The following ABHD5 variants were observed in gnomAD, a reference collection of about 807,000 sequenced individuals.
ABHD5 encodes the protein 1-acylglycerol-3-phosphate O-acyltransferase ABHD5.
A neutral mutation model predicts 44.9 loss-of-function variants in ABHD5; 30 were observed. The observed-to-expected ratio is 0.67, with a 90% confidence interval of 0.50 to 0.91. ABHD5 has a LOEUF of 0.91. ABHD5 is among the 40% of genes least tolerant of loss of function. The pLI, the probability that ABHD5 is intolerant of heterozygous loss-of-function variation, is 0.00. For missense variants in ABHD5, 399 were observed against 423.4 expected, an observed-to-expected ratio of 0.94 and a Z score of 0.50; for synonymous variants, 167 against 147.0, an observed-to-expected ratio of 1.14 and a Z score of -0.99.
At chr3:43,701,577 G>A (rs748937266) in intron 2 of ABHD5, among the ~76,000 whole-genome samples, 60 of 152,134 alleles carry the variant, frequency 3.9e-4, no homozygotes, top group Non-Finnish European at 7.4e-4. Flanking sequence ...CTATAAAATT[G>A]TGACTATTTG....
Position 43,715,017 on chromosome 3 carries a change from T to C in ABHD5, c.732T>C (p.Thr244=). ...ATTCTTCAATGTTCGAAGACGATAC[T>C]GTGACAGAATACATCTACCACTGTA... ...RKYSSMFEDD[T]VTEYIYHCNV... Residue 244 remains threonine (T), a synonymous_variant, in exon 5 of 7, where the codon ACT becomes ACC. Coordinates refer to ENST00000644371, the MANE Select transcript of ABHD5 (RefSeq NM_016006.6). 2 of 1,613,554 alleles carry C rather than the reference T, an allele frequency of 1.2e-6. No homozygotes were observed. Among genetic ancestry groups the C allele is most frequent in the Non-Finnish European group, 1.7e-6 (2 of 1,179,740 alleles).
chr3:43,703,295 T>C (rs1484339016), intron 3 of ABHD5, among the ~76,000 whole-genome samples: 5 of 151,978 alleles, frequency 3.3e-5, no homozygotes, highest in Admixed American at 1.3e-4. Context: ...TTCTTCTGCC[T>C]CAGCCTTTGA....
chr3:43,698,205 C>T (rs1335884586), intron 1 of ABHD5, among the ~76,000 whole-genome samples: 1 of 152,154 alleles, frequency 6.6e-6, no homozygotes, highest in East Asian at 1.9e-4. Flanking sequence ...CCTGGGAATC[C>T]TTATTATAAC....
downstream of ABHD5, among the ~76,000 whole-genome samples, chr3:43,727,045 G>GC (rs1426929720): frequency 6.6e-6 from 1 of 152,050 alleles, no homozygotes. Flanking sequence ...ATTTTGGGGC[G>GC]CCCTCTCTGG....
In ABHD5 at chr3:43,720,382, G is replaced by A. The variant is rs996053690; in HGVS notation, c.*1850G>A. ...AAGTTCCTTCGTTTACTTAGTGAAT[G>A]GAGTTTCTGGCCGCAGATGTGCCAA... On this transcript the variant is annotated 3_prime_UTR_variant, in exon 7 of 7. Coordinates refer to ENST00000644371, the MANE Select transcript of ABHD5 (RefSeq NM_016006.6). 1.3e-5 allele frequency: 2 copies of A among 152,190 alleles called. No homozygotes were observed. The highest frequency in any genetic ancestry group is 4.8e-5 in the African/African-American group (2 of 41,542). The allele number at this position is 152,190 out of a possible 1,614,324, so 9.4% of individuals were successfully genotyped here.
At position 43,721,328 on chromosome 3, in the gene ABHD5, CTCT is replaced by C. The variant is rs1162803048; in HGVS notation, c.*2798_*2800del. On this transcript the variant is annotated 3_prime_UTR_variant, in exon 7 of 7. Coordinates refer to ENST00000644371, the MANE Select transcript of ABHD5 (RefSeq NM_016006.6). The stretch of plus-strand genomic sequence containing the variant: ...AAGACCCAATTTTTAAAATGAAACC[CTCT>C]TTCTAACTAGAAGAAAACATAGATG... 1 of 152,092 alleles carries C rather than the reference CTCT, an allele frequency of 6.6e-6. No homozygotes were observed. The highest frequency in any genetic ancestry group is 1.5e-5 in the Non-Finnish European group (1 of 68,022). 9.4% of individuals were successfully genotyped at this position (152,092 alleles called of 1,614,324 possible).
At chr3:43,700,934 C>G (rs1163336719) in intron 2 of ABHD5, among the ~76,000 whole-genome samples, 2 of 152,060 alleles carry the variant, frequency 1.3e-5, no homozygotes, top group African/African-American at 2.4e-5. Flanking sequence ...TAAACTTGCT[C>G]TCTACAAAAC....
intron 5 of ABHD5, among the ~76,000 whole-genome samples, chr3:43,716,690 T>G (rs1000407708): frequency 3.3e-5 from 5 of 152,162 alleles, no homozygotes; most frequent in African/African-American, 1.2e-4. Context: ...GTCTACACAC[T>G]TCCAACAGTT....
intron 7 of ABHD5, among the ~76,000 whole-genome samples, chr3:43,727,814 G>A (rs911777887): frequency 1.2e-4 from 18 of 152,134 alleles, no homozygotes; most frequent in African/African-American, 4.3e-4. Context: ...TTGCCATGTT[G>A]ATCAGGCTGG....
rs529144741 is a variant in ABHD5 at position 43,721,113 on chromosome 3, C to G, written c.*2581C>G. ...AGAACAATGTGGAAGGAGGGATAAC[C>G]CTATTAAATATTATAACATAATGTT... is the stretch of plus-strand genomic sequence containing the variant. On this transcript the variant is annotated 3_prime_UTR_variant, in exon 7 of 7. Coordinates refer to ENST00000644371, the MANE Select transcript of ABHD5 (RefSeq NM_016006.6). 1 of 151,984 alleles carries G rather than the reference C, an allele frequency of 6.6e-6. No individual in the cohort carries two copies. Among genetic ancestry groups the G allele is most frequent in the African/African-American group, 2.4e-5 (1 of 41,480 alleles). The allele number at this position is 151,984 out of a possible 1,614,324, so 9.4% of individuals were successfully genotyped here.
chr3:43,717,971 C>A, intron 6 of ABHD5, 114 bp downstream of exon 6: 1 of 1,381,710 alleles, frequency 7.2e-7, no homozygotes, highest in Non-Finnish European at 1.0e-6. Flanking sequence ...GCCATACCTG[C>A]AGCCTCAGTC....
intron 2 of ABHD5, chr3:43,699,821 G>A (rs2084517538): frequency 6.1e-6 from 1 of 164,734 alleles, no homozygotes; most frequent in South Asian, 1.4e-4. Context: ...TTGACATAAG[G>A]TTGCTGCTTC....
intron 3 of ABHD5, among the ~76,000 whole-genome samples, chr3:43,705,860 C>T (rs3774792): frequency 0.85 from 129,566 of 152,154 alleles, 55,205 homozygotes; most frequent in Middle Eastern, 0.91. Context: ...TAATGTTGCT[C>T]ATATTTGTTA....
intron 2 of ABHD5, among the ~76,000 whole-genome samples, chr3:43,700,387 A>C (rs766139301): frequency 2.0e-5 from 3 of 152,134 alleles, no homozygotes; most frequent in Non-Finnish European, 4.4e-5. Context: ...GATTCTACTT[A>C]AAGGAGTGGA....
At chr3:43,700,849 C>T (rs1034277745) in intron 2 of ABHD5, among the ~76,000 whole-genome samples, 1 of 152,158 alleles carries the variant, frequency 6.6e-6, no homozygotes, top group African/African-American at 2.4e-5. Flanking sequence ...GCTGGGATTA[C>T]AGGCATGAGC....
chr3:43,717,966 A>T, intron 6 of ABHD5, 109 bp downstream of exon 6: 1 of 1,424,866 alleles, frequency 7.0e-7, no homozygotes. Context: ...TCTGAGCCAT[A>T]CCTGCAGCCT....
In ABHD5 at chr3:43,718,528, A is replaced by G; in HGVS notation, c.1046A>G (p.Asp349Gly). The stretch of plus-strand genomic sequence containing the variant: ...GTAAAGGAGATCTGCGACACTGTGG[A>G]CTGAACACACTGAAGCTCTGATGGG... ...QKVKEICDTV[D>G] is the part of the protein sequence containing the mutation. Residue 349 changes from aspartate (D) to glycine (G), a missense_variant, in exon 7 of 7, where the codon GAC becomes GGC. Asp to Gly is a moderately conservative substitution (Grantham distance 94). Coordinates refer to ENST00000644371, the MANE Select transcript of ABHD5 (RefSeq NM_016006.6). The G allele has an allele frequency of 6.2e-7, 1 of 1,613,936 alleles. No homozygotes were observed. Among genetic ancestry groups the G allele is most frequent in the Non-Finnish European group, 8.5e-7 (1 of 1,179,810 alleles).
intron 4 of ABHD5, 105 bp from the exon 5 acceptor site, chr3:43,714,842 A>C: frequency 1.4e-6 from 1 of 739,784 alleles, no homozygotes; most frequent in South Asian, 1.4e-5. Flanking sequence ...ATATGTGTGC[A>C]TATAACACTC....
upstream of ABHD5, chr3:43,690,896 G>C: frequency 7.4e-7 from 1 of 1,350,418 alleles, no homozygotes; most frequent in East Asian, 3.0e-5. Context: ...ATGCGCTGGC[G>C]GCCTGCGCCG....
Sources: allele counts gnomAD v4.1 joint callset (sites outside exome capture counted in the v4.1 genomes callset), GRCh38; gene constraint gnomAD v4.1.1; transcripts MANE v1.5; gene names NCBI Gene and HGNC (gene_info 2026-07-23, HGNC 2026-07-21).